The following ENO4 variants were observed in gnomAD, a reference collection of about 807,000 sequenced individuals.
The protein encoded by ENO4 is 2-phospho-D-glycerate hydro-lyase.
ENO4 carries 53 observed loss-of-function variants against 63.2 expected under a neutral mutation model. The ratio of observed to expected loss-of-function variants is 0.84; its 90% CI spans 0.67 to 1.05. The LOEUF (loss-of-function observed/expected upper bound fraction) is 1.05. Among genes scored for constraint, ENO4 ranks in the 50% least tolerant of loss-of-function variants. ENO4 has a pLI of 0.00. For missense variants in ENO4, 719 were observed against 772.0 expected (o/e 0.93, Z 0.81); for synonymous variants, 266 against 283.8 (o/e 0.94, Z 0.63).
chr10:116,880,928 C>A (rs545354856), intron 13 of ENO4, among the ~76,000 whole-genome samples: 33 of 152,300 alleles, frequency 2.2e-4, no homozygotes, highest in African/African-American at 6.7e-4. Flanking sequence ...AGGCTCCACC[C>A]CTCTGTGGTG....
intron 10 of ENO4, among the ~76,000 whole-genome samples, chr10:116,900,022 G>C (rs962611419): frequency 6.6e-6 from 1 of 152,188 alleles, no homozygotes; most frequent in African/African-American, 2.4e-5. Flanking sequence ...AAGTGTGCCA[G>C]TCTGGGTAAA....
chr10:116,901,240 T>C (rs1847722831), intron 10 of ENO4: 13 of 985,324 alleles, frequency 1.3e-5, no homozygotes, highest in Non-Finnish European at 1.1e-5. Context: ...GATTAACTCT[T>C]TGACAATCAA....
At chr10:116,901,298 GT>G in intron 10 of ENO4, 1 of 985,280 alleles carries the variant, frequency 1.0e-6, no homozygotes, top group Non-Finnish European at 1.2e-6. Flanking sequence ...TACATAGTAT[GT>G]TTTCATTTTC....
At chr10:116,903,236 T>TAA (rs1452467215) in intron 10 of ENO4, among the ~76,000 whole-genome samples, 1 of 152,200 alleles carries the variant, frequency 6.6e-6, no homozygotes, top group Non-Finnish European at 1.5e-5. Flanking sequence ...TATTTTGATC[T>TAA]AAAAGGCCTT....
At chr10:116,880,942 G>A (rs1846988159) in intron 13 of ENO4, among the ~76,000 whole-genome samples, 1 of 152,198 alleles carries the variant, frequency 6.6e-6, no homozygotes, top group African/African-American at 2.4e-5. Flanking sequence ...TGTGGTGACA[G>A]TGCAGCCGCC....
intron 1 of ENO4, among the ~76,000 whole-genome samples, chr10:116,851,607 T>G (rs1424350632): frequency 1.3e-5 from 2 of 152,234 alleles, no homozygotes; most frequent in Non-Finnish European, 2.9e-5. Context: ...TCCTGCAGAA[T>G]GCTGCCAGAG....
In ENO4 at chr10:116,871,218, G is replaced by A. The variant is rs1464438511; in HGVS notation, c.1141G>A (p.Ala381Thr). The change falls in exon 9 of 14, where the codon GCC becomes ACC. Residue 381 changes from alanine to threonine, a missense_variant. Physicochemically the swap from Ala to Thr is moderately conservative, Grantham distance 58. This residue lies in a region of ENO4 where 544 missense variants were observed against 583.6 expected (regional missense o/e 0.93). Transcript: ENST00000341276. The part of the protein sequence containing the change: ...QPLLLIQEIC[A>T]NLGLELGTNL... ...ACTGCTTCTAATACAGGAAATCTGTGCCAACCTGGGGCTAGAACTGGGAAC... is the reference window on the plus strand; with the variant it reads ...ACTGCTTCTAATACAGGAAATCTGTACCAACCTGGGGCTAGAACTGGGAAC... The A allele has an allele frequency of 1.0e-5, 16 of 1,550,492 alleles. No individual in the cohort carries two copies. Among genetic ancestry groups the A allele is most frequent in the Non-Finnish European group, 1.4e-5 (16 of 1,146,988 alleles).
downstream of ENO4, chr10:116,886,198 T>C (rs1452259666): frequency 4.4e-6 from 5 of 1,136,076 alleles, no homozygotes; most frequent in East Asian, 7.7e-5. Context: ...TTATAGTTGC[T>C]ACTTACAAAA....
Position 116,871,293 on chromosome 10 carries a change from G to GT in ENO4, c.1215+2dup, listed in dbSNP as rs1564850763. 3.2e-6 allele frequency: 5 copies of GT among 1,548,698 alleles called. No homozygotes were observed. In the East Asian group the frequency reaches 7.3e-5, roughly 23 times the overall value. ...TGCTGGACATGAGCTGATGGACTAC[G>GT]TAAGTTTCCACTTCAGAACATTCAC... On this transcript the variant is annotated splice_donor_variant, in intron 9 of 13. Transcript: ENST00000341276. LOFTEE classifies it high-confidence loss of function.
At chr10:116,907,894 C>A (rs1246708155) in intron 10 of ENO4, 1 of 518,228 alleles carries the variant, frequency 1.9e-6, no homozygotes, top group Non-Finnish European at 3.9e-6. Flanking sequence ...TGCCTTAATC[C>A]TGCTCCCTCC....
At chr10:116,879,413 T>C (rs1483154781) in intron 12 of ENO4, 55 bp downstream of exon 12, 7 of 1,366,040 alleles carry the variant, frequency 5.1e-6, no homozygotes, top group Non-Finnish European at 7.1e-6. Context: ...CGAATTGGTA[T>C]TTCAGAGAAA....
At chr10:116,871,356 GA>G (rs1026793970) in intron 9 of ENO4, 64 bp downstream of exon 9, 404 of 1,322,758 alleles carry the variant, frequency 3.1e-4, no homozygotes, top group Non-Finnish European at 3.8e-4. Flanking sequence ...TTAGAACTCA[GA>G]AAAAAAAGAG....
In ENO4 at chr10:116,899,992, G is replaced by T. The variant is rs1377398968; in HGVS notation, c.1195-11507G>T. Among the ~76,000 whole-genome samples, 3 of 152,124 alleles carry T rather than the reference G, an allele frequency of 2.0e-5. No individual in the cohort carries two copies. The South Asian group carries it at 6.2e-4, about 32-fold the overall frequency. On this transcript the variant is annotated intron_variant, in intron 10 of 10. Coordinates refer to the ENO4 transcript ENST00000369207. ...TTAAAATTCTTTTAGTCATTAAAAG[G>T]TTTAAACATTAAATGAATGAAGTGT... is the stretch of plus-strand genomic sequence containing the variant.
chr10:116,887,991 T>C (rs1847218085), intron 10 of ENO4, among the ~76,000 whole-genome samples: 1 of 149,624 alleles, frequency 6.7e-6, no homozygotes, highest in Admixed American at 6.7e-5. Context: ...CTTTTTTCAC[T>C]TTCTGACCAG....
At chr10:116,880,607 T>A (rs930279991) in intron 13 of ENO4, among the ~76,000 whole-genome samples, 1 of 152,172 alleles carries the variant, frequency 6.6e-6, no homozygotes, top group Non-Finnish European at 1.5e-5. Flanking sequence ...ACAGAAACTG[T>A]GATTATAAAC....
intron 1 of ENO4, among the ~76,000 whole-genome samples, chr10:116,852,741 A>AC (rs1432395325): frequency 6.6e-6 from 1 of 152,112 alleles, no homozygotes; most frequent in East Asian, 1.9e-4. Context: ...CAGATACGAG[A>AC]CCCCTCAGGA....
At chr10:116,856,191 C>A (rs1846252104) in intron 2 of ENO4, among the ~76,000 whole-genome samples, 1 of 152,064 alleles carries the variant, frequency 6.6e-6, no homozygotes, top group Non-Finnish European at 1.5e-5. Context: ...ATAATTTTTG[C>A]CATAGTCTCT....
downstream of ENO4, among the ~76,000 whole-genome samples, chr10:116,886,911 C>A (rs1847182240): frequency 6.6e-6 from 1 of 151,910 alleles, no homozygotes; most frequent in African/African-American, 2.4e-5. Context: ...GCTGCCCAGA[C>A]CCCCACCCGC....
chr10:116,849,767 C>A, intron 1 of ENO4, 36 bp downstream of exon 1: 1 of 1,472,890 alleles, frequency 6.8e-7, no homozygotes, highest in Non-Finnish European at 9.0e-7. Flanking sequence ...CTCCCGCCAA[C>A]CCCTCTCCCC....
Sources: gnomAD v4.1 joint callset for allele counts (sites outside exome capture counted in the v4.1 genomes callset) on GRCh38, gnomAD v4.1.1 for gene constraint, gnomAD v4.1.1 regional missense constraint, MANE v1.5 for transcripts, NCBI Gene and HGNC (gene_info 2026-07-23, HGNC 2026-07-21) for gene names.